SMG6: variants seen among roughly 807,000 people sequenced by gnomAD.
The protein encoded by SMG6 is SMG6 nonsense mediated mRNA decay factor, also known as telomerase-binding protein EST1A.
A neutral mutation model predicts 142.2 loss-of-function variants in SMG6; 66 were observed. That is an observed-to-expected ratio of 0.46 (90% CI 0.38 to 0.57). SMG6 has a LOEUF of 0.57. SMG6 is among the 20% of genes least tolerant of loss of function. The pLI is 0.00. For missense variants in SMG6, 1,793 were observed against 1,832.0 expected (o/e 0.98, Z 0.39); for synonymous variants, 779 against 702.4 (o/e 1.11, Z -1.72).
At chr17:2,095,750 C>A (rs971983174) in intron 13 of SMG6, among the ~76,000 whole-genome samples, 1 of 152,212 alleles carries the variant, frequency 6.6e-6, no homozygotes, top group East Asian at 1.9e-4. Context: ...TCCTTTCAGG[C>A]GGATGGGTCC....
intron 12 of SMG6, among the ~76,000 whole-genome samples, chr17:2,174,630 T>C (rs1280854132): frequency 6.6e-6 from 1 of 152,166 alleles, no homozygotes; most frequent in East Asian, 1.9e-4. Context: ...TTCACAGGCT[T>C]TACCCAGGAA....
At chr17:2,261,198 C>G (rs1846852043) in intron 8 of SMG6, among the ~76,000 whole-genome samples, 1 of 151,266 alleles carries the variant, frequency 6.6e-6, no homozygotes, top group Non-Finnish European at 1.5e-5. Flanking sequence ...CCTGTAGTCC[C>G]AGCTACTCAG....
intron 10 of SMG6, among the ~76,000 whole-genome samples, chr17:2,223,386 G>C (rs533048346): frequency 6.6e-6 from 1 of 152,310 alleles, no homozygotes; most frequent in East Asian, 1.9e-4. Flanking sequence ...TATTTGAAGA[G>C]GGGACTAAAC....
rs564499752 is a variant in SMG6, at chr17:2,299,578, T to G, written c.1175A>C (p.Gln392Pro). The G allele has an allele frequency of 5.6e-5, 90 of 1,614,214 alleles. No homozygotes were observed. In the South Asian group the frequency reaches 6.7e-4, roughly 12 times the overall value. ...LSSGGKGSEK[Q>P]ESKNPKQELR... ...TTCTTGTTTCGGGTTTTTGGACTCC[T>G]GCTTCTCAGAGCCTTTGCCCCCACT... Residue 392 changes from glutamine (Q) to proline (P), a missense_variant, in exon 2 of 19, where the codon CAG (glutamine) becomes CCG (proline). Around this residue, in one of 3 missense-constraint regions of SMG6, gnomAD observed 1,597 missense variants for 1,584.6 expected, o/e 1.01. Transcript: ENST00000263073. This position sits in a 1 kb window ranked among gnomAD's most constrained non-coding sequence, Gnocchi z 4.3.
In SMG6 at chr17:2,217,814, T is replaced by A. The variant is rs149248385; in HGVS notation, c.2869+18678A>T. Among the ~76,000 whole-genome samples, 192 of 151,548 alleles carry A rather than the reference T, an allele frequency of 1.3e-3. 3 individuals are homozygous for A. Among genetic ancestry groups the A allele is most frequent in the African/African-American group, 4.5e-3 (184 of 41,312 alleles). On this transcript the variant is annotated intron_variant, in intron 10 of 18. Transcript: ENST00000263073. Reference sequence around the variant, plus strand: ...TAACAAGGTCAGGAGATCGAGACGATCCTGGCCAACATGGTGAAACCCCGT... The same window carrying A: ...TAACAAGGTCAGGAGATCGAGACGAACCTGGCCAACATGGTGAAACCCCGT...
intron 10 of SMG6, among the ~76,000 whole-genome samples, chr17:2,231,621 C>T (rs551019607): frequency 7.6e-4 from 115 of 152,162 alleles, no homozygotes; most frequent in African/African-American, 2.7e-3. Context: ...TGCTTGAACC[C>T]GGGAGGCAGA....
At chr17:2,120,121 TAG>T (rs1216010486) in intron 13 of SMG6, among the ~76,000 whole-genome samples, 18 of 152,342 alleles carry the variant, frequency 1.2e-4, no homozygotes, top group Admixed American at 1.0e-3. Flanking sequence ...ATACAGCGCT[TAG>T]AGGAGAACCG....
rs767653330 is a variant in SMG6, at chr17:2,299,476, T to C, written c.1277A>G (p.Glu426Gly). The C allele has an allele frequency of 2.5e-6, 4 of 1,614,150 alleles. No homozygotes were observed. Among genetic ancestry groups the C allele is most frequent in the Admixed American group, 1.7e-5 (1 of 60,010 alleles). ...AAGCCGAGGTCCCAAAGGCGCGGACTCTGGAGAACCTGCTGAATTGACAGA... is the reference window on the plus strand; with the variant it reads ...AAGCCGAGGTCCCAAAGGCGCGGACCCTGGAGAACCTGCTGAATTGACAGA... ...TLSVNSAGSP[E>G]SAPLGPRLLF... The change falls in exon 2 of 19, where the codon GAG becomes GGG. Residue 426 changes from glutamate to glycine, a missense_variant. By Grantham distance (98) the Glu-to-Gly change is moderately conservative (BLOSUM62 -2). Transcript: ENST00000263073. The surrounding 1 kb of genome is among the most constrained non-coding windows in gnomAD (Gnocchi z 4.3).
At chr17:2,223,431 C>T (rs905596486) in intron 10 of SMG6, among the ~76,000 whole-genome samples, 2 of 152,124 alleles carry the variant, frequency 1.3e-5, no homozygotes, top group Non-Finnish European at 2.9e-5. Context: ...AAATGCATTC[C>T]TAAATAGACG....
rs1448848183 is a variant in SMG6, at chr17:2,303,388, G to A, written c.88+245C>T. ...AAAGGAACAGTCACCTTCGCGGCGA[G>A]AAAGAGGGTGGAGGCAGGAATTCGG... On this transcript the variant is annotated intron_variant, in intron 1 of 18. Coordinates refer to ENST00000263073, the MANE Select transcript of SMG6 (RefSeq NM_017575.5). 1.0e-5 allele frequency: 13 copies of A among 1,240,096 alleles called. No individual in the cohort carries two copies. In the South Asian group the frequency reaches 4.0e-4, roughly 38 times the overall value. The allele number at this position is 1,240,096 out of a possible 1,614,324, so 76.8% of individuals were successfully genotyped here.
intron 8 of SMG6, among the ~76,000 whole-genome samples, chr17:2,276,599 T>C (rs1394904573): frequency 6.6e-6 from 1 of 152,134 alleles, no homozygotes. Context: ...TTGGTCAGGC[T>C]TGTCTCGAAC....
In SMG6 at chr17:2,068,926, G is replaced by A. The variant is rs1047157007; in HGVS notation, c.3687C>T (p.Val1229=). The change falls in exon 16 of 19, where the codon GTC becomes GTT. Residue 1229 remains valine (V), a synonymous_variant. Coordinates refer to ENST00000263073, the MANE Select transcript of SMG6 (RefSeq NM_017575.5). This position sits in a 1 kb window ranked among gnomAD's most constrained non-coding sequence, Gnocchi z 6.7. Reference sequence around the variant, plus strand: ...GCCTCATCTGACTGTGGTCCTCCAGGACAGCCTATGGGGACAGAGTGGTGA... The same window carrying A: ...GCCTCATCTGACTGTGGTCCTCCAGAACAGCCTATGGGGACAGAGTGGTGA... ...QQRRQEKIQA[V]LEDHSQMRQM... 8.1e-6 allele frequency: 13 copies of A among 1,614,130 alleles called. No individual in the cohort carries two copies. Among genetic ancestry groups the A allele is most frequent in the Non-Finnish European group, 1.0e-5 (12 of 1,179,986 alleles).
chr17:2,193,626 T>C (rs2072232056), intron 10 of SMG6, among the ~76,000 whole-genome samples: 1 of 152,140 alleles, frequency 6.6e-6, no homozygotes, highest in Admixed American at 6.5e-5. Flanking sequence ...TGCCCAATTG[T>C]GGAGGATATA....
intron 13 of SMG6, chr17:2,087,294 G>T: frequency 7.9e-7 from 1 of 1,264,606 alleles, no homozygotes; most frequent in Non-Finnish European, 1.0e-6. Context: ...CATGACCCAT[G>T]TTCTCTAAGA....
In SMG6 at chr17:2,068,825, G is replaced by A; in HGVS notation, c.3788C>T (p.Ala1263Val). Reference protein sequence around the residue: ...NGFIDHLASLARLLESRKYIL... With the variant: ...NGFIDHLASLVRLLESRKYIL... ...GTACTTCCTGCTCTCCAGCAGCCGC[G>A]CCAGACTGGCCAGGTGGTCAATGAA... The change falls in exon 16 of 19, where the codon GCG (alanine) becomes GTG (valine). Residue 1263 changes from alanine (A) to valine (V), a missense_variant. Ala to Val is a moderately conservative substitution (Grantham distance 64). Around this residue, in one of 3 missense-constraint regions of SMG6, gnomAD observed 17 missense variants for 34.7 expected, o/e 0.49. Coordinates refer to ENST00000263073, the MANE Select transcript of SMG6 (RefSeq NM_017575.5). The surrounding 1 kb of genome is among the most constrained non-coding windows in gnomAD (Gnocchi z 6.7). 2 of 1,614,206 alleles carry A rather than the reference G, an allele frequency of 1.2e-6. No individual in the cohort carries two copies. The highest frequency in any genetic ancestry group is 1.1e-5 in the South Asian group (1 of 91,086).
chr17:2,185,912 C>T (rs1379913226), intron 12 of SMG6, among the ~76,000 whole-genome samples: 3 of 152,132 alleles, frequency 2.0e-5, no homozygotes, highest in Non-Finnish European at 4.4e-5. Context: ...ACAGCACAAG[C>T]AGCAGTGAGA....
intron 13 of SMG6, chr17:2,086,931 C>G (rs1567586453): frequency 2.7e-6 from 3 of 1,123,726 alleles, no homozygotes; most frequent in Non-Finnish European, 3.5e-6. Flanking sequence ...AACACACGTC[C>G]GTGGCCAGAC....
intron 13 of SMG6, among the ~76,000 whole-genome samples, chr17:2,144,999 GCTTA>G (rs2070618682): frequency 1.3e-5 from 2 of 152,134 alleles, no homozygotes; most frequent in Admixed American, 6.5e-5. Context: ...TTTGGCACTC[GCTTA>G]CTTTTCAGAA....
chr17:2,291,987 G>A (rs1204880908), intron 6 of SMG6, among the ~76,000 whole-genome samples: 1 of 152,060 alleles, frequency 6.6e-6, no homozygotes, highest in Non-Finnish European at 1.5e-5. Context: ...CTCCCTAGGA[G>A]CTGTCTCAGC....
Sources: gnomAD v4.1 joint callset for allele counts (sites outside exome capture counted in the v4.1 genomes callset) on GRCh38, gnomAD v4.1.1 for gene constraint, gnomAD v4.1.1 regional missense constraint, Gnocchi (gnomAD v3.1) non-coding constraint, MANE v1.5 for transcripts, NCBI Gene and HGNC (gene_info 2026-07-23, HGNC 2026-07-21) for gene names.